ROBO2: variants seen among roughly 807,000 people sequenced by gnomAD.
The protein encoded by ROBO2 is roundabout guidance receptor 2.
Under a neutral mutation model 160.8 loss-of-function variants are expected in ROBO2, and 53 were observed. That is an observed-to-expected ratio of 0.33 (90% CI 0.26 to 0.41). ROBO2 has a LOEUF of 0.41. Ranked by LOEUF, ROBO2 falls within the 10% of genes least tolerant of loss-of-function variation. ROBO2 has a pLI of 1.00. For synonymous variants in ROBO2, 664 were observed against 611.7 expected (o/e 1.09, Z -1.26); for missense variants, 1,577 against 1,722.4 (o/e 0.92, Z 1.49).
intron 2 of ROBO2, among the ~76,000 whole-genome samples, chr3:76,821,957 A>G (rs550677559): frequency 1.3e-5 from 2 of 152,168 alleles, no homozygotes; most frequent in South Asian, 4.1e-4. Flanking sequence ...TAAAGAGACC[A>G]ATACTTGTTT....
chr3:77,488,334 A>G (rs2085636789), intron 4 of ROBO2, among the ~76,000 whole-genome samples: 2 of 152,218 alleles, frequency 1.3e-5, no homozygotes, highest in South Asian at 2.1e-4. Context: ...CTGCAGTTAT[A>G]TAATTAGAGA....
intron 2 of ROBO2, among the ~76,000 whole-genome samples, chr3:76,527,371 C>A (rs1380569803): frequency 1.3e-5 from 2 of 151,976 alleles, no homozygotes; most frequent in Admixed American, 1.3e-4. Flanking sequence ...GAAGATGAGG[C>A]CATTGACATT....
chr3:77,615,066 T>A (rs1328655747), intron 21 of ROBO2, among the ~76,000 whole-genome samples: 1 of 152,194 alleles, frequency 6.6e-6, no homozygotes, highest in Admixed American at 6.5e-5. Context: ...TTTTATGGCA[T>A]CTTGCATCAC....
rs372913645 is a variant in ROBO2 at position 77,477,543 on chromosome 3, G to A, written c.518G>A (p.Arg173Gln). 1.1e-5 allele frequency: 17 copies of A among 1,614,058 alleles called. 1 individual carries two copies. The highest frequency in any genetic ancestry group is 6.7e-5 in the Admixed American group (4 of 60,006). The change falls in exon 3 of 26, where the codon CGA (arginine) becomes CAA (glutamine). Residue 173 changes from arginine to glutamine, a missense_variant. Arg to Gln is a conservative substitution (Grantham distance 43). Around this residue, in one of 2 missense-constraint regions of ROBO2, gnomAD observed 940 missense variants for 1,135.5 expected, o/e 0.83. Transcript: ENST00000461745. Reference sequence around the variant, plus strand: ...ATCTACTGGAAAAAAGACAAAGTTCGAATTGATGACAAGGAAGAAAGAATA... The same window carrying A: ...ATCTACTGGAAAAAAGACAAAGTTCAAATTGATGACAAGGAAGAAAGAATA...
intron 1 of ROBO2, among the ~76,000 whole-genome samples, chr3:77,055,007 T>C (rs932569633): frequency 2.0e-5 from 3 of 151,392 alleles, no homozygotes; most frequent in Non-Finnish European, 4.4e-5. Flanking sequence ...GCCCTCATAA[T>C]AAAGTCCCTA....
chr3:77,352,600 C>T (rs1281819743), intron 2 of ROBO2, among the ~76,000 whole-genome samples: 1 of 151,900 alleles, frequency 6.6e-6, no homozygotes, highest in Non-Finnish European at 1.5e-5. Flanking sequence ...TAGAAGAAAA[C>T]TATGACACAG....
intron 2 of ROBO2, among the ~76,000 whole-genome samples, chr3:76,816,117 C>G (rs895893770): frequency 6.6e-6 from 1 of 151,984 alleles, no homozygotes; most frequent in Admixed American, 6.6e-5. Flanking sequence ...TTATCCTCTT[C>G]GCTACTCAAA....
intron 2 of ROBO2, among the ~76,000 whole-genome samples, chr3:76,611,414 C>G (rs1203997207): frequency 6.6e-6 from 1 of 152,040 alleles, no homozygotes; most frequent in Non-Finnish European, 1.5e-5. Flanking sequence ...TTTTCTTTGC[C>G]GGAAGGCTTT....
chr3:76,273,699 AACTC>A (rs954390270), intron 2 of ROBO2, among the ~76,000 whole-genome samples: 58 of 152,216 alleles, frequency 3.8e-4, no homozygotes, highest in African/African-American at 7.2e-4. Context: ...CCATCATGAG[AACTC>A]ACTCACGATC....
intron 20 of ROBO2, 149 bp downstream of exon 21, chr3:77,602,640 G>A: frequency 2.1e-6 from 2 of 942,274 alleles, no homozygotes; most frequent in Non-Finnish European, 3.2e-6. Context: ...AGTAACTTGA[G>A]TAATTCCTAC....
chr3:76,419,445 T>TG (rs1022807133), intron 2 of ROBO2, among the ~76,000 whole-genome samples: 3 of 152,106 alleles, frequency 2.0e-5, no homozygotes, highest in Non-Finnish European at 2.9e-5. Flanking sequence ...AACATCTTTT[T>TG]TTTTTTTAAA....
intron 2 of ROBO2, among the ~76,000 whole-genome samples, chr3:76,371,828 A>G (rs1202322197): frequency 6.6e-6 from 1 of 151,948 alleles, no homozygotes; most frequent in Non-Finnish European, 1.5e-5. Context: ...CATTGCATGT[A>G]TCACACCACG....
At chr3:76,772,400 A>G (rs2061961442) in intron 2 of ROBO2, among the ~76,000 whole-genome samples, 3 of 149,018 alleles carry the variant, frequency 2.0e-5, no homozygotes, top group Admixed American at 6.7e-5. Flanking sequence ...ATATGCATCT[A>G]TGTGTATTTA....
At chr3:77,203,674 A>G (rs895313007) in intron 2 of ROBO2, among the ~76,000 whole-genome samples, 1 of 152,176 alleles carries the variant, frequency 6.6e-6, no homozygotes, top group Admixed American at 6.5e-5. Flanking sequence ...ATTTTTATTG[A>G]AAGAGGCTTC....
At chr3:76,133,153 C>T (rs924614501) in intron 2 of ROBO2, among the ~76,000 whole-genome samples, 8 of 151,980 alleles carry the variant, frequency 5.3e-5, no homozygotes, top group Non-Finnish European at 1.5e-5. Context: ...CTCTCTAAAA[C>T]AGCAAAATAT....
intron 2 of ROBO2, among the ~76,000 whole-genome samples, chr3:76,827,918 A>C (rs2109263003): frequency 6.6e-6 from 1 of 152,292 alleles, no homozygotes; most frequent in South Asian, 2.1e-4. Flanking sequence ...AAAGGAAGTC[A>C]AAGACTGAGG....
intron 2 of ROBO2, among the ~76,000 whole-genome samples, chr3:77,324,962 G>T (rs2065230651): frequency 6.6e-6 from 1 of 152,144 alleles, no homozygotes; most frequent in Admixed American, 6.5e-5. Context: ...TAGCCAAGAT[G>T]CTGTAGGTAG....
chr3:77,030,015 C>T (rs914494932), intron 2 of ROBO2, among the ~76,000 whole-genome samples: 6 of 151,796 alleles, frequency 4.0e-5, no homozygotes, highest in South Asian at 4.2e-4. Flanking sequence ...GTGCGATCTC[C>T]GCTCACTGCA....
intron 6 of ROBO2, among the ~76,000 whole-genome samples, chr3:77,539,999 G>C (rs968068802): frequency 6.6e-6 from 1 of 152,194 alleles, no homozygotes; most frequent in African/African-American, 2.4e-5. Context: ...GGACAAATGA[G>C]TGTCAGGATT....
Sources: gnomAD v4.1 joint callset for allele counts (sites outside exome capture counted in the v4.1 genomes callset) on GRCh38, gnomAD v4.1.1 for gene constraint, gnomAD v4.1.1 regional missense constraint, MANE v1.5 for transcripts, NCBI Gene and HGNC (gene_info 2026-07-23, HGNC 2026-07-21) for gene names.